Variants in PALM2AKAP2 observed in about 807,000 individuals in gnomAD.
The protein encoded by PALM2AKAP2 is PALM2-AKAP2 fusion protein.
PALM2AKAP2 carries 37 observed loss-of-function variants against 71.5 expected under a neutral mutation model. That is an observed-to-expected ratio of 0.52 (90% CI 0.40 to 0.68). The LOEUF is 0.68. Ranked by LOEUF, PALM2AKAP2 falls within the 30% of genes least tolerant of loss-of-function variation. The pLI, the probability that PALM2AKAP2 is intolerant of heterozygous loss-of-function variation, is 0.00. For missense variants in PALM2AKAP2, 1,224 were observed against 1,191.8 expected (o/e 1.03, Z -0.40); for synonymous variants, 468 against 478.8 (o/e 0.98, Z 0.29).
intron 3 of PALM2AKAP2, among the ~76,000 whole-genome samples, chr9:109,907,891 C>A (rs1047081463): frequency 6.6e-6 from 1 of 152,196 alleles, no homozygotes; most frequent in Non-Finnish European, 1.5e-5. Flanking sequence ...CACCCCATGC[C>A]GACCTCCTTC....
At chr9:109,784,901 C>A (rs1319081600) in intron 1 of PALM2AKAP2, among the ~76,000 whole-genome samples, 1 of 150,346 alleles carries the variant, frequency 6.7e-6, no homozygotes, top group Non-Finnish European at 1.5e-5. Context: ...GGAGGCCTAC[C>A]TCCTTTTGAG....
intron 1 of PALM2AKAP2, among the ~76,000 whole-genome samples, chr9:110,124,033 AG>A (rs746174509): frequency 1.5e-4 from 23 of 152,380 alleles, no homozygotes; most frequent in Non-Finnish European, 2.9e-4. Flanking sequence ...GATACCACCA[AG>A]TCAGTCATTG....
At chr9:109,810,191 G>A (rs1827691629) in intron 1 of PALM2AKAP2, among the ~76,000 whole-genome samples, 1 of 152,162 alleles carries the variant, frequency 6.6e-6, no homozygotes, top group Admixed American at 6.5e-5. Context: ...AGAGACGTCT[G>A]GGCTGGCTGT....
At chr9:109,875,593 G>C (rs369490675) in intron 2 of PALM2AKAP2, among the ~76,000 whole-genome samples, 15 of 152,190 alleles carry the variant, frequency 9.9e-5, no homozygotes, top group Admixed American at 7.9e-4. Flanking sequence ...CATTTGGATA[G>C]TCATAGGTCC....
At chr9:110,006,759 T>G (rs1415097762) in intron 6 of PALM2AKAP2, among the ~76,000 whole-genome samples, 1 of 152,178 alleles carries the variant, frequency 6.6e-6, no homozygotes, top group Non-Finnish European at 1.5e-5. Flanking sequence ...CCAATCTACA[T>G]GTGCATCCTC....
Position 109,662,511 on chromosome 9 carries a change from T to C in PALM2AKAP2, c.5+21645T>C, listed in dbSNP as rs145844580. 8.2e-3 allele frequency among the ~76,000 whole-genome samples: 1,254 copies of C among 152,368 alleles called. 21 individuals carry two copies. The highest frequency in any genetic ancestry group is 0.029 in the African/African-American group (1,200 of 41,584). Reference sequence around the variant, plus strand: ...TTGAACCAGCTTTGCATCCCAGGGATGAAGCCAACTTGATCATGGTGGATA... The same window carrying C: ...TTGAACCAGCTTTGCATCCCAGGGACGAAGCCAACTTGATCATGGTGGATA... On this transcript the variant is annotated intron_variant, in intron 1 of 6. Coordinates refer to the PALM2AKAP2 transcript ENST00000374531.
chr9:110,114,121 A>G (rs1378659009), intron 1 of PALM2AKAP2, among the ~76,000 whole-genome samples: 1 of 152,228 alleles, frequency 6.6e-6, no homozygotes, highest in Non-Finnish European at 1.5e-5. Context: ...CTCACAGTTC[A>G]GGAGTCCTGA....
At chr9:110,140,806 G>A (rs1443068563) in intron 2 of PALM2AKAP2, among the ~76,000 whole-genome samples, 1 of 152,056 alleles carries the variant, frequency 6.6e-6, no homozygotes, top group Admixed American at 6.6e-5. Context: ...CCCTCCCTGG[G>A]CTCCAACACT....
chr9:109,675,076 A>G (rs1462810877), intron 1 of PALM2AKAP2, among the ~76,000 whole-genome samples: 4 of 152,108 alleles, frequency 2.6e-5, no homozygotes, highest in African/African-American at 9.7e-5. Flanking sequence ...TATTCTGAGC[A>G]TATTTGAAGT....
intron 1 of PALM2AKAP2, among the ~76,000 whole-genome samples, chr9:109,838,111 G>A (rs1330276987): frequency 2.0e-5 from 3 of 152,258 alleles, no homozygotes; most frequent in Non-Finnish European, 4.4e-5. Flanking sequence ...TTTCAAACTT[G>A]ACCACTTGGT....
At chr9:110,029,756 A>G (rs1833244429) in intron 7 of PALM2AKAP2, among the ~76,000 whole-genome samples, 1 of 152,220 alleles carries the variant, frequency 6.6e-6, no homozygotes, top group Non-Finnish European at 1.5e-5. Flanking sequence ...ATTGGTCTTT[A>G]GTGCGACTGG....
At chr9:109,845,521 G>T (rs993001338) in intron 1 of PALM2AKAP2, among the ~76,000 whole-genome samples, 4 of 152,190 alleles carry the variant, frequency 2.6e-5, no homozygotes, top group Non-Finnish European at 5.9e-5. Flanking sequence ...TGTTCAGTCT[G>T]TCCTGGGTGA....
At chr9:110,158,803 G>A (rs1463283039) in intron 3 of PALM2AKAP2, among the ~76,000 whole-genome samples, 1 of 152,200 alleles carries the variant, frequency 6.6e-6, no homozygotes, top group Non-Finnish European at 1.5e-5. Flanking sequence ...TATTACAACA[G>A]AACCAAGTTT....
At chr9:110,137,695 A>G (rs556370272) in exon 2 of PALM2AKAP2, 3 of 1,614,008 alleles carry the variant, frequency 1.9e-6, no homozygotes, top group African/African-American at 2.7e-5. Context: ...AGGATACCAC[A>G]GTCCTGGAGA....
At chr9:109,902,639 T>G (rs1830355779) in intron 3 of PALM2AKAP2, among the ~76,000 whole-genome samples, 1 of 152,236 alleles carries the variant, frequency 6.6e-6, no homozygotes. Flanking sequence ...TGGAATGCAT[T>G]GATGAATGTA....
At chr9:109,920,373 CTTT>C (rs11368227) in intron 3 of PALM2AKAP2, among the ~76,000 whole-genome samples, 8 of 141,774 alleles carry the variant, frequency 5.6e-5, no homozygotes, top group East Asian at 2.1e-4. Context: ...ATAATGTAAT[CTTT>C]TTTTTTTTTT....
chr9:109,963,923 G>T (rs1395460039), intron 6 of PALM2AKAP2, among the ~76,000 whole-genome samples: 5 of 152,190 alleles, frequency 3.3e-5, no homozygotes, highest in Admixed American at 2.6e-4. Context: ...GCCTCTAGAG[G>T]TGCAGGACAG....
intron 2 of PALM2AKAP2, among the ~76,000 whole-genome samples, chr9:109,875,931 C>T (rs369859129): frequency 3.9e-5 from 6 of 152,202 alleles, no homozygotes; most frequent in African/African-American, 1.4e-4. Context: ...CAGCTCCCCA[C>T]CTGCTCCTTC....
chr9:109,889,874 A>G (rs1328137495), intron 3 of PALM2AKAP2, among the ~76,000 whole-genome samples: 1 of 152,222 alleles, frequency 6.6e-6, no homozygotes, highest in Non-Finnish European at 1.5e-5. Flanking sequence ...TTTGGGAAAT[A>G]CATGCATTTC....
Sources: allele counts gnomAD v4.1 joint callset (sites outside exome capture counted in the v4.1 genomes callset), GRCh38; gene constraint gnomAD v4.1.1; transcripts MANE v1.5; gene names NCBI Gene and HGNC (gene_info 2026-07-23, HGNC 2026-07-21).